MSR1: variants seen among roughly 807,000 people sequenced by gnomAD.
MSR1 encodes macrophage scavenger receptor 1.
Under a neutral mutation model 47.2 loss-of-function variants are expected in MSR1, and 53 were observed. The ratio of observed to expected loss-of-function variants is 1.12; its 90% CI spans 0.90 to 1.41. MSR1 has a LOEUF of 1.41. MSR1 is among the 40% of genes most tolerant of loss of function. MSR1 has a pLI of 0.00. For synonymous variants in MSR1, 239 were observed against 185.6 expected (o/e 1.29, Z -2.34); for missense variants, 786 against 546.9 (o/e 1.44, Z -4.36).
At chr8:16,182,401 A>C (rs1801859004) in intron 1 of MSR1, among the ~76,000 whole-genome samples, 1 of 152,176 alleles carries the variant, frequency 6.6e-6, no homozygotes, top group African/African-American at 2.4e-5. Flanking sequence ...TTTGTTCAAT[A>C]ATAAATTAGC....
At chr8:16,133,430 T>C (rs1800311953) in intron 8 of MSR1, among the ~76,000 whole-genome samples, 1 of 152,164 alleles carries the variant, frequency 6.6e-6, no homozygotes, top group Non-Finnish European at 1.5e-5. Context: ...CCAAAAATTG[T>C]CCTAGTTTGA....
chr8:16,143,729 T>C (rs1440129845), intron 7 of MSR1, 118 bp from the exon 8 acceptor site: 12 of 735,928 alleles, frequency 1.6e-5, no homozygotes, highest in Non-Finnish European at 2.4e-5. Context: ...GATATTGAAA[T>C]GTATAATAAC....
At chr8:16,183,055 C>A (rs1801882330) in intron 1 of MSR1, among the ~76,000 whole-genome samples, 2 of 152,066 alleles carry the variant, frequency 1.3e-5, no homozygotes, top group Admixed American at 1.3e-4. Flanking sequence ...TTTTCAGCTC[C>A]ATTATAATCT....
chr8:16,122,043 T>C lies in MSR1; in HGVS notation c.1034-1437A>G, dbSNP rs1800017759. Among the ~76,000 whole-genome samples, 3 of 152,116 alleles carry C rather than the reference T, an allele frequency of 2.0e-5. No individual in the cohort carries two copies. The South Asian group carries it at 6.2e-4, about 32-fold the overall frequency. The stretch of plus-strand genomic sequence containing the variant: ...GAGTGACCTGAGCTATGCAGAAACA[T>C]AAAAGGTGGCATGTTACTATATATA... On this transcript the variant is annotated intron_variant, in intron 8 of 9. Coordinates refer to ENST00000262101, the MANE Select transcript of MSR1 (RefSeq NM_138715.3).
At chr8:16,130,046 T>C (rs549489611) in intron 8 of MSR1, among the ~76,000 whole-genome samples, 3 of 152,168 alleles carry the variant, frequency 2.0e-5, no homozygotes, top group Non-Finnish European at 4.4e-5. Flanking sequence ...TTTCCACTTT[T>C]GCTGCTGTGA....
chr8:16,160,377 T>G (rs867038308), intron 5 of MSR1, among the ~76,000 whole-genome samples: 1 of 152,152 alleles, frequency 6.6e-6, no homozygotes, highest in Middle Eastern at 3.4e-3. Context: ...GAGTGTAACT[T>G]GCTAAGACAA....
chr8:16,139,774 A>AATATATATAT (rs772328863), intron 8 of MSR1: 1 of 36,182 alleles, frequency 2.8e-5, no homozygotes, highest in Non-Finnish European at 4.2e-5. Context: ...AAAAAAAAAA[A>AATATATATAT]ATATATATAT....
At chr8:16,114,671 G>A (rs1799835691) in intron 9 of MSR1, among the ~76,000 whole-genome samples, 1 of 152,068 alleles carries the variant, frequency 6.6e-6, no homozygotes, top group African/African-American at 2.4e-5. Flanking sequence ...AAAAAAAGGT[G>A]CATCCAAATG....
Position 16,164,250 on chromosome 8 carries a change from T to G in MSR1, c.632A>C (p.Glu211Ala). The change falls in exon 5 of 10, where the codon GAA becomes GCA. Residue 211 changes from glutamate (E) to alanine (A), a missense_variant and splice_region_variant. Coordinates refer to ENST00000262101, the MANE Select transcript of MSR1 (RefSeq NM_138715.3). ...IQENTFKQQE[E>A]ISKLEERVYN... Reference sequence around the variant, plus strand: ...AACACGCTCCTCTAATTTACTGATTTCCTGTAAAACATAAGTGAGCATTCA... The same window carrying G: ...AACACGCTCCTCTAATTTACTGATTGCCTGTAAAACATAAGTGAGCATTCA... 1 of 1,610,608 alleles carries G rather than the reference T, an allele frequency of 6.2e-7. No individual in the cohort carries two copies. Among genetic ancestry groups the G allele is most frequent in the South Asian group, 1.1e-5 (1 of 91,006 alleles).
chr8:16,176,382 C>G (rs932403001), intron 2 of MSR1, among the ~76,000 whole-genome samples: 2 of 151,888 alleles, frequency 1.3e-5, no homozygotes, highest in Admixed American at 1.3e-4. Flanking sequence ...TAGCATGTCC[C>G]TGTAACCCAA....
At chr8:16,140,861 T>C in intron 8 of MSR1, 2 of 1,586,506 alleles carry the variant, frequency 1.3e-6, no homozygotes, top group East Asian at 2.2e-5. Context: ...CATGTGGAAG[T>C]CAGGTACAAC....
intron 8 of MSR1, chr8:16,139,729 C>T (rs1262515979): frequency 1.7e-5 from 13 of 745,956 alleles, no homozygotes; most frequent in East Asian, 3.9e-4. Flanking sequence ...TGCCCAAGCT[C>T]GACTACACTT....
rs151131860 is a variant in MSR1 at position 16,190,883 on chromosome 8, G to A, written c.-5+1715C>T. Among the ~76,000 whole-genome samples the A allele has an allele frequency of 6.6e-3, 1,003 of 151,866 alleles. 11 individuals are homozygous for A. Among genetic ancestry groups the A allele is most frequent in the African/African-American group, 0.022 (916 of 41,414 alleles). On this transcript the variant is annotated intron_variant, in intron 1 of 9. Coordinates refer to ENST00000262101, the MANE Select transcript of MSR1 (RefSeq NM_138715.3). ...ATTACAAGCATGCACCACCACGCCCGGCTAATTTTGTATTTTCAGTAGAGA... is the reference window on the plus strand; with the variant it reads ...ATTACAAGCATGCACCACCACGCCCAGCTAATTTTGTATTTTCAGTAGAGA...
intron 8 of MSR1, among the ~76,000 whole-genome samples, chr8:16,131,301 G>C (rs1800249232): frequency 6.6e-6 from 1 of 151,964 alleles, no homozygotes; most frequent in African/African-American, 2.4e-5. Context: ...AAAATTGTCT[G>C]TTCATGTCCT....
At chr8:16,178,026 A>C (rs1039975317) in intron 1 of MSR1, 34 bp from the exon 2 acceptor site, 1 of 1,505,446 alleles carries the variant, frequency 6.6e-7, no homozygotes, top group Non-Finnish European at 9.2e-7. Flanking sequence ...TATTAATTCC[A>C]CATGAAATGG....
intron 1 of MSR1, among the ~76,000 whole-genome samples, chr8:16,182,258 T>G (rs1164047535): frequency 2.0e-5 from 3 of 152,138 alleles, no homozygotes; most frequent in African/African-American, 7.2e-5. Context: ...TACAGGGCAA[T>G]TGGATAAATG....
At chr8:16,113,982 G>A (rs1456783501) in intron 9 of MSR1, among the ~76,000 whole-genome samples, 1 of 136,018 alleles carries the variant, frequency 7.4e-6, no homozygotes, top group Non-Finnish European at 1.5e-5. Context: ...TTTTCTCTAT[G>A]AAAAAAATAT....
chr8:16,143,963 G>T (rs1800629892), intron 7 of MSR1, among the ~76,000 whole-genome samples: 1 of 151,968 alleles, frequency 6.6e-6, no homozygotes, highest in Non-Finnish European at 1.5e-5. Context: ...TGCCTTCCAT[G>T]AGCTCCCACA....
chr8:16,134,884 A>G (rs991819990), intron 8 of MSR1, among the ~76,000 whole-genome samples: 1 of 152,218 alleles, frequency 6.6e-6, no homozygotes, highest in Admixed American at 6.5e-5. Context: ...CAAAATAACC[A>G]TGACACTCAC....
Sources: allele counts gnomAD v4.1 joint callset (sites outside exome capture counted in the v4.1 genomes callset), GRCh38; gene constraint gnomAD v4.1.1; transcripts MANE v1.5; gene names NCBI Gene and HGNC (gene_info 2026-07-23, HGNC 2026-07-21).